KIF16B: variants seen among roughly 807,000 people sequenced by gnomAD.
KIF16B encodes the protein kinesin-like protein KIF16B.
Under a neutral mutation model 156.3 loss-of-function variants are expected in KIF16B, and 98 were observed. That is an observed-to-expected ratio of 0.63 (90% CI 0.53 to 0.74). The LOEUF (loss-of-function observed/expected upper bound fraction) is 0.74. Among genes scored for constraint, KIF16B ranks in the 30% least tolerant of loss-of-function variants. The probability of loss-of-function intolerance (pLI) is 0.00; values close to 1 mark genes in which losing one functional copy is unlikely to be tolerated. For missense variants in KIF16B, 1,421 were observed against 1,606.5 expected (o/e 0.88, Z 1.97); for synonymous variants, 564 against 583.7 (o/e 0.97, Z 0.49).
At chr20:16,366,443 T>C (rs1196295493) in intron 22 of KIF16B, among the ~76,000 whole-genome samples, 2 of 152,072 alleles carry the variant, frequency 1.3e-5, no homozygotes, top group Non-Finnish European at 2.9e-5. Flanking sequence ...AACTGGAATA[T>C]GGTGGTGGTG....
At chr20:16,486,315 A>G (rs949109296) in intron 12 of KIF16B, among the ~76,000 whole-genome samples, 1 of 152,058 alleles carries the variant, frequency 6.6e-6, no homozygotes, top group African/African-American at 2.4e-5. Flanking sequence ...AAAGGGAGGG[A>G]AGCTGGGAAA....
chr20:16,508,350 C>T (rs2068851427), intron 6 of KIF16B, among the ~76,000 whole-genome samples: 1 of 152,164 alleles, frequency 6.6e-6, no homozygotes, highest in Non-Finnish European at 1.5e-5. Context: ...CTCACTGTGC[C>T]TCAGTTACCT....
intron 15 of KIF16B, among the ~76,000 whole-genome samples, chr20:16,411,929 CGTGTGTGTGTGTGTGTGTGTGT>C (rs36019156): frequency 7.5e-6 from 1 of 134,040 alleles, no homozygotes; most frequent in African/African-American, 2.9e-5. Flanking sequence ...GAATGTTCAA[CGTGTGTGTGTGTGTGTGTGTGT>C]GTGTGTGTGT....
chr20:16,379,352 C>T lies in KIF16B; in HGVS notation c.2650G>A (p.Asp884Asn). The T allele has an allele frequency of 6.2e-7, 1 of 1,604,960 alleles. No homozygotes were observed. Among genetic ancestry groups the T allele is most frequent in the African/African-American group, 1.3e-5 (1 of 74,480 alleles). The change falls in exon 19 of 26, where the codon GAT becomes AAT. Residue 884 changes from aspartate (D) to asparagine (N), a missense_variant. Coordinates refer to ENST00000354981, the MANE Select transcript of KIF16B (RefSeq NM_024704.5). ...LLEKHDESVT[D>N]VTEVPQDFEK... Reference sequence around the variant, plus strand: ...AAATCTTGAGGCACTTCCGTGACATCTGTGACACTCTCATCATGTTTTTCC... The same window carrying T: ...AAATCTTGAGGCACTTCCGTGACATTTGTGACACTCTCATCATGTTTTTCC...
chr20:16,367,365 A>G (rs765511338), intron 22 of KIF16B: 2 of 1,612,866 alleles, frequency 1.2e-6, no homozygotes, highest in African/African-American at 2.7e-5. Context: ...CTGTTGACAC[A>G]TTTTTCTTTT....
chr20:16,300,959 C>T (rs533198028), intron 25 of KIF16B, among the ~76,000 whole-genome samples: 106 of 152,240 alleles, frequency 7.0e-4, no homozygotes, highest in African/African-American at 2.5e-3. Context: ...AGCTTTACTG[C>T]CTTAAAAATC....
intron 24 of KIF16B, among the ~76,000 whole-genome samples, chr20:16,333,999 G>C (rs936198054): frequency 3.3e-5 from 5 of 152,178 alleles, no homozygotes; most frequent in Admixed American, 2.6e-4. Context: ...CTTGTTTACT[G>C]TCTGCCCCAT....
At chr20:16,416,818 C>T (rs1178673112) in intron 15 of KIF16B, among the ~76,000 whole-genome samples, 1 of 151,382 alleles carries the variant, frequency 6.6e-6, no homozygotes, top group Non-Finnish European at 1.5e-5. Flanking sequence ...TTTTTGCCTG[C>T]AGTGCTTCCC....
intron 23 of KIF16B, among the ~76,000 whole-genome samples, chr20:16,338,395 C>T (rs1229570355): frequency 6.6e-6 from 1 of 152,176 alleles, no homozygotes; most frequent in Non-Finnish European, 1.5e-5. Context: ...GCCATTCACC[C>T]TGGTTGCTTC....
chr20:16,525,944 C>T (rs974429748), intron 3 of KIF16B, 148 bp downstream of exon 3: 2 of 500,402 alleles, frequency 4.0e-6, no homozygotes, highest in African/African-American at 3.9e-5. Context: ...CTACATAACA[C>T]TCAGAAAGGT....
At chr20:16,456,378 C>A (rs956916384) in intron 12 of KIF16B, among the ~76,000 whole-genome samples, 10 of 152,086 alleles carry the variant, frequency 6.6e-5, no homozygotes, top group Admixed American at 5.9e-4. Context: ...AAAAATACCA[C>A]CAGAAAAGGC....
chr20:16,346,978 A>C (rs941798122), intron 23 of KIF16B, among the ~76,000 whole-genome samples: 5 of 152,242 alleles, frequency 3.3e-5, no homozygotes, highest in African/African-American at 1.2e-4. Flanking sequence ...GCTCTGAATT[A>C]ACTCTGACTT....
chr20:16,553,820 G>A (rs2070749370), intron 1 of KIF16B, among the ~76,000 whole-genome samples: 1 of 129,618 alleles, frequency 7.7e-6, no homozygotes, highest in African/African-American at 2.9e-5. Context: ...AGAGCCAGCA[G>A]GAGCCAGGAG....
In KIF16B at chr20:16,476,093, C is replaced by T. The variant is rs568277805; in HGVS notation, c.1302+18198G>A. Among the ~76,000 whole-genome samples, 9 of 152,326 alleles carry T rather than the reference C, an allele frequency of 5.9e-5. No homozygotes were observed. In the East Asian group the frequency reaches 1.7e-3, roughly 29 times the overall value. On this transcript the variant is annotated intron_variant, in intron 12 of 25. Transcript: ENST00000354981. ...TATCTGTCACGTCTTCAGACAACTC[C>T]ACTACCAAGGGCCCTGCAACAAATA... is the stretch of plus-strand genomic sequence containing the variant.
At chr20:16,491,453 T>C (rs1004213025) in intron 12 of KIF16B, among the ~76,000 whole-genome samples, 1 of 152,170 alleles carries the variant, frequency 6.6e-6, no homozygotes, top group African/African-American at 2.4e-5. Context: ...AATAAAACTC[T>C]CTCTCATTAC....
At chr20:16,411,705 C>T (rs546440932) in intron 15 of KIF16B, among the ~76,000 whole-genome samples, 5 of 151,968 alleles carry the variant, frequency 3.3e-5, no homozygotes, top group Admixed American at 2.0e-4. Flanking sequence ...TGGGCATACT[C>T]GTATGGGGAA....
At chr20:16,535,320 T>C (rs2069916597) in intron 1 of KIF16B, among the ~76,000 whole-genome samples, 1 of 152,236 alleles carries the variant, frequency 6.6e-6, no homozygotes, top group South Asian at 2.1e-4. Flanking sequence ...ATACAAATGC[T>C]ATTGACTTTT....
At chr20:16,277,274 G>A (rs901153273) in intron 25 of KIF16B, among the ~76,000 whole-genome samples, 13 of 152,120 alleles carry the variant, frequency 8.5e-5, no homozygotes, top group South Asian at 8.3e-4. Context: ...AGGGATAAGC[G>A]TTGGTCACCG....
intron 3 of KIF16B, among the ~76,000 whole-genome samples, chr20:16,518,320 G>C (rs2147098008): frequency 6.6e-6 from 1 of 152,266 alleles, no homozygotes; most frequent in South Asian, 2.1e-4. Flanking sequence ...TGGGAAGCGG[G>C]GCCTGCTTTA....
Sources: gnomAD v4.1 joint callset for allele counts (sites outside exome capture counted in the v4.1 genomes callset) on GRCh38, gnomAD v4.1.1 for gene constraint, MANE v1.5 for transcripts, NCBI Gene and HGNC (gene_info 2026-07-23, HGNC 2026-07-21) for gene names.